ZNF277: variants seen among roughly 807,000 people sequenced by gnomAD.
ZNF277 encodes zinc finger protein 277.
ZNF277 carries 55 observed loss-of-function variants against 60.7 expected under a neutral mutation model. That is an observed-to-expected ratio of 0.91 (90% CI 0.73 to 1.13). The LOEUF (loss-of-function observed/expected upper bound fraction) is 1.13. ZNF277 is among the 50% of genes most tolerant of loss of function. The pLI is 0.00. For synonymous variants in ZNF277, 178 were observed against 179.3 expected (o/e 0.99, Z 0.06); for missense variants, 510 against 523.0 (o/e 0.98, Z 0.24).
At chr7:112,249,469 CAGATAGCTGTGT>C (rs1329759738) in intron 1 of ZNF277, among the ~76,000 whole-genome samples, 10 of 152,030 alleles carry the variant, frequency 6.6e-5, no homozygotes, top group Non-Finnish European at 1.2e-4. Context: ...ATACTTAAAC[CAGATAGCTGTGT>C]AAGAATAGCT....
At chr7:112,276,887 CA>C (rs1302102712) in intron 1 of ZNF277, among the ~76,000 whole-genome samples, 2 of 152,024 alleles carry the variant, frequency 1.3e-5, no homozygotes, top group African/African-American at 4.8e-5. Context: ...GCTCTGACTG[CA>C]AAATGAGAAT....
rs200233265 is a variant in ZNF277 at position 112,218,001 on chromosome 7, C to T, written c.91+11194C>T. ...CTGACCAATCAGCTCTTACCACTTTCTGATTCCCTATCCACCAAATTATCC... is the reference window on the plus strand; with the variant it reads ...CTGACCAATCAGCTCTTACCACTTTTTGATTCCCTATCCACCAAATTATCC... On this transcript the variant is annotated intron_variant, in intron 1 of 11. Transcript: ENST00000361822. 6.0e-4 allele frequency among the ~76,000 whole-genome samples: 91 copies of T among 152,252 alleles called. No individual in the cohort carries two copies. The East Asian group carries it at 0.016, about 27-fold the overall frequency.
intron 4 of ZNF277, among the ~76,000 whole-genome samples, chr7:112,302,728 A>G (rs1034225428): frequency 6.6e-6 from 1 of 152,064 alleles, no homozygotes; most frequent in African/African-American, 2.4e-5. Context: ...ATTTGTATAT[A>G]TACTGGTTGA....
At chr7:112,247,200 G>T (rs893870507) in intron 1 of ZNF277, among the ~76,000 whole-genome samples, 1 of 152,150 alleles carries the variant, frequency 6.6e-6, no homozygotes, top group Non-Finnish European at 1.5e-5. Context: ...CCGCTAAGTG[G>T]AGGGTATATT....
intron 1 of ZNF277, among the ~76,000 whole-genome samples, chr7:112,218,168 G>T (rs1821936100): frequency 6.6e-6 from 1 of 152,096 alleles, no homozygotes; most frequent in Admixed American, 6.5e-5. Flanking sequence ...CTGGGCAGTG[G>T]GCAAAATGAA....
chr7:112,260,394 A>G (rs1438735115), intron 1 of ZNF277, among the ~76,000 whole-genome samples: 4 of 152,226 alleles, frequency 2.6e-5, no homozygotes, highest in Non-Finnish European at 5.9e-5. Flanking sequence ...TATGTCACAT[A>G]TTATTTACAA....
intron 5 of ZNF277, among the ~76,000 whole-genome samples, chr7:112,323,482 AGTAACAGTTCTT>A (rs1310213871): frequency 6.6e-6 from 1 of 152,204 alleles, no homozygotes; most frequent in Non-Finnish European, 1.5e-5. Context: ...CAGGCTGAAT[AGTAACAGTTCTT>A]GTAACAGTTC....
chr7:112,334,593 ACT>A (rs1332907849), intron 7 of ZNF277, among the ~76,000 whole-genome samples: 4 of 152,032 alleles, frequency 2.6e-5, no homozygotes, highest in Admixed American at 1.3e-4. Flanking sequence ...GGCCTAGATA[ACT>A]CTCTACATAT....
chr7:112,291,826 ATGT>A (rs1416659827), intron 2 of ZNF277, among the ~76,000 whole-genome samples: 5 of 152,172 alleles, frequency 3.3e-5, no homozygotes, highest in Admixed American at 6.5e-5. Context: ...GGTCAAATGT[ATGT>A]TGTTGTTGTT....
In ZNF277 at chr7:112,341,094, T is replaced by C. The variant is rs776507413; in HGVS notation, c.1184+48T>C. 7.4e-6 allele frequency: 11 copies of C among 1,493,094 alleles called. No homozygotes were observed. The East Asian group carries it at 2.6e-4, about 36-fold the overall frequency. 92.5% of individuals were successfully genotyped at this position (1,493,094 alleles called of 1,614,324 possible). On this transcript the variant is annotated intron_variant, in intron 11 of 11. Transcript: ENST00000361822. ...TGCACTTCTTACTCCAACTCTTTGATTTTGTCCCTTTATTTAATTTCTTTA... is the reference window on the plus strand; with the variant it reads ...TGCACTTCTTACTCCAACTCTTTGACTTTGTCCCTTTATTTAATTTCTTTA...
intron 1 of ZNF277, among the ~76,000 whole-genome samples, chr7:112,238,638 C>T (rs1427265682): frequency 2.6e-5 from 4 of 152,014 alleles, no homozygotes; most frequent in African/African-American, 9.7e-5. Context: ...GCAGCTCCCG[C>T]AGAGACTCCA....
chr7:112,282,633 C>T (rs1444082761), intron 1 of ZNF277, among the ~76,000 whole-genome samples: 2 of 152,210 alleles, frequency 1.3e-5, no homozygotes, highest in Non-Finnish European at 2.9e-5. Context: ...TCAGACAAGC[C>T]CTCAGGCTTA....
chr7:112,275,305 G>A (rs993176460), intron 1 of ZNF277, among the ~76,000 whole-genome samples: 2 of 152,158 alleles, frequency 1.3e-5, no homozygotes, highest in South Asian at 2.1e-4. Context: ...CCCTATCAAA[G>A]TAAGAACTCG....
At chr7:112,336,000 G>A in intron 7 of ZNF277, 104 bp from the exon 8 acceptor site, 2 of 816,860 alleles carry the variant, frequency 2.4e-6, no homozygotes, top group Non-Finnish European at 1.9e-6. Context: ...TTAAACATGG[G>A]TGGTTTTGTT....
At chr7:112,221,150 T>C (rs578081889) in intron 1 of ZNF277, among the ~76,000 whole-genome samples, 1 of 152,236 alleles carries the variant, frequency 6.6e-6, no homozygotes, top group South Asian at 2.1e-4. Context: ...CCGCTCCCGA[T>C]TGGGCTAAAG....
intron 1 of ZNF277, among the ~76,000 whole-genome samples, chr7:112,281,025 C>T (rs1244366215): frequency 6.6e-6 from 1 of 152,198 alleles, no homozygotes; most frequent in Non-Finnish European, 1.5e-5. Context: ...TATGTCTGCT[C>T]TCCAGTGCTT....
chr7:112,339,562 G>A (rs764613905), intron 9 of ZNF277, among the ~76,000 whole-genome samples: 17 of 152,132 alleles, frequency 1.1e-4, no homozygotes, highest in Admixed American at 2.6e-4. Context: ...CGGGTGATCC[G>A]CCCACCTCGG....
intron 1 of ZNF277, among the ~76,000 whole-genome samples, chr7:112,210,484 T>G (rs1253301387): frequency 2.0e-5 from 3 of 151,138 alleles, no homozygotes; most frequent in South Asian, 2.1e-4. Flanking sequence ...TTTTGTTTTT[T>G]TTTTTGAGAC....
chr7:112,322,026 A>T (rs1005781161), intron 5 of ZNF277, among the ~76,000 whole-genome samples: 3 of 152,054 alleles, frequency 2.0e-5, no homozygotes, highest in African/African-American at 7.2e-5. Context: ...GGGACAGAAG[A>T]AAAAAAGAAC....
Sources: gnomAD v4.1 joint callset for allele counts (sites outside exome capture counted in the v4.1 genomes callset) on GRCh38, gnomAD v4.1.1 for gene constraint, MANE v1.5 for transcripts, NCBI Gene and HGNC (gene_info 2026-07-23, HGNC 2026-07-21) for gene names.